The following LDB1 variants were observed in gnomAD, a reference collection of about 807,000 sequenced individuals.
LDB1 encodes the protein LIM domain-binding protein 1.
A neutral mutation model predicts 49.7 loss-of-function variants in LDB1; 6 were observed. The observed-to-expected ratio is 0.12, with a 90% CI of 0.07 to 0.24. The LOEUF is 0.24. Ranked by LOEUF, LDB1 falls within the 10% of genes least tolerant of loss-of-function variation. The probability of loss-of-function intolerance (pLI) is 1.00; values close to 1 mark genes in which losing one functional copy is unlikely to be tolerated. For missense variants in LDB1, 341 were observed against 561.7 expected (o/e 0.61, Z 3.97); for synonymous variants, 233 against 202.0 (o/e 1.15, Z -1.30).
chr10:102,110,201 C>T lies in LDB1; in HGVS notation c.526-158G>A, dbSNP rs1476686991. 2.0e-5 allele frequency among the ~76,000 whole-genome samples: 3 copies of T among 152,040 alleles called. No individual in the cohort carries two copies. The East Asian group carries it at 5.8e-4, about 29-fold the overall frequency. On this transcript the variant is annotated intron_variant, in intron 6 of 10. Coordinates refer to ENST00000673968, the MANE Select transcript of LDB1 (RefSeq NM_001113407.3). ...GCATAAATGTCACAGTACCCCCCAC[C>T]CATATACCTGGCCCTTACACACACA...
rs1286588896 is a variant in LDB1 at position 102,117,776 on chromosome 10, A to C, written c.25+2310T>G. Among the ~76,000 whole-genome samples, 2 of 152,056 alleles carry C rather than the reference A, an allele frequency of 1.3e-5. No individual in the cohort carries two copies. The highest frequency in any genetic ancestry group is 2.4e-5 in the African/African-American group (1 of 41,380). On this transcript the variant is annotated intron_variant, in intron 1 of 10. Coordinates refer to ENST00000673968, the MANE Select transcript of LDB1 (RefSeq NM_001113407.3). This position sits in a 1 kb window ranked among gnomAD's most constrained non-coding sequence, Gnocchi z 4.2. ...CCTCTTGCTCAGGGTGATGCCCCTT[A>C]GTCAGAGGCTCTCCCTGCTCCCAGC...
intron 1 of LDB1, among the ~76,000 whole-genome samples, chr10:102,114,048 G>C (rs567902924): frequency 8.5e-5 from 13 of 152,204 alleles, no homozygotes; most frequent in Non-Finnish European, 1.9e-4. Flanking sequence ...CAGCAAGGTG[G>C]GGGGACGGAG....
chr10:102,108,098 G>A lies in LDB1; in HGVS notation c.1231C>T (p.Gln411Ter). 6.2e-7 allele frequency: 1 copy of A among 1,613,016 alleles called. No homozygotes were observed. Among genetic ancestry groups the A allele is most frequent in the Non-Finnish European group, 8.5e-7 (1 of 1,179,082 alleles). Residue 411 changes from glutamine (Q) to a stop codon, truncating the protein, a stop_gained, in exon 11 of 11, where the codon CAG becomes TAG. Transcript: ENST00000673968. LOFTEE classifies it high-confidence loss of function. ...KSENPTSQASQ is the reference protein window; with the variant it reads ...KSENPTSQAS ...GGTGGCCACAGCAGGGCCTTTTACT[G>A]GGAGGCCTGTGACGTGGGGTTCTCC...
Position 102,110,961 on chromosome 10 carries a change from T to C in LDB1, c.260A>G (p.Asn87Ser), listed in dbSNP as rs201588496. 6.8e-5 allele frequency: 110 copies of C among 1,613,998 alleles called. No homozygotes were observed. The highest frequency in any genetic ancestry group is 2.2e-5 in the East Asian group (1 of 44,890). Residue 87 changes from asparagine (N) to serine (S), a missense_variant, in exon 5 of 11, where the codon AAT (asparagine) becomes AGT (serine). Physicochemically the swap from Asn to Ser is conservative, Grantham distance 46. Around this residue, in one of 5 missense-constraint regions of LDB1, gnomAD observed 233 missense variants for 385.7 expected, o/e 0.60. Coordinates refer to ENST00000673968, the MANE Select transcript of LDB1 (RefSeq NM_001113407.3). Reference protein sequence around the residue: ...RLQNWTEECDNLWWDAFTTEF... With the variant: ...RLQNWTEECDSLWWDAFTTEF... ...AGTCGTGAATGCATCCCACCAGAGA[T>C]TGTCACACTCCTAGGGAGCATGGTA...
chr10:102,114,202 C>G (rs2068297965), intron 1 of LDB1, among the ~76,000 whole-genome samples: 1 of 152,116 alleles, frequency 6.6e-6, no homozygotes, highest in East Asian at 1.9e-4. Context: ...CTGAGGGGGG[C>G]ACCTCCAGCT....
At position 102,109,772 on chromosome 10, in the gene LDB1, G is replaced by A; in HGVS notation, c.649-89C>T. On this transcript the variant is annotated intron_variant, in intron 7 of 10. Transcript: ENST00000673968. This position sits in a 1 kb window ranked among gnomAD's most constrained non-coding sequence, Gnocchi z 5.8. Reference sequence around the variant, plus strand: ...ATCATCTGAGCATTGTGACACTCCTGAGAGAGGATAGTCTCTTATTAAACC... The same window carrying A: ...ATCATCTGAGCATTGTGACACTCCTAAGAGAGGATAGTCTCTTATTAAACC... 6.5e-7 allele frequency: 1 copy of A among 1,538,516 alleles called. No homozygotes were observed. The highest frequency in any genetic ancestry group is 9.0e-7 in the Non-Finnish European group (1 of 1,113,480).
intron 1 of LDB1, among the ~76,000 whole-genome samples, chr10:102,119,151 T>A (rs1414633064): frequency 6.6e-6 from 1 of 152,130 alleles, no homozygotes; most frequent in East Asian, 1.9e-4. Context: ...AGGAGAAAGC[T>A]GACTCCAGTC....
At chr10:102,112,130 G>A (rs2068265259) in intron 1 of LDB1, among the ~76,000 whole-genome samples, 1 of 152,200 alleles carries the variant, frequency 6.6e-6, no homozygotes, top group Non-Finnish European at 1.5e-5. Flanking sequence ...AGGAATTGAA[G>A]CTGGGAAGAA....
intron 1 of LDB1, chr10:102,114,812 G>GGGGCCCCCC: frequency 5.5e-5 from 51 of 929,778 alleles, no homozygotes; most frequent in South Asian, 9.9e-5. Context: ...CCTCCGAGCA[G>GGGGCCCCCC]CCCGCCCGCC....
Position 102,107,738 on chromosome 10 carries a change from C to A in LDB1, c.*355G>T. The A allele has an allele frequency of 3.0e-6, 1 of 330,666 alleles. No individual in the cohort carries two copies. The highest frequency in any genetic ancestry group is 5.7e-6 in the Non-Finnish European group (1 of 176,110). The allele number at this position is 330,666 out of a possible 1,614,324, so 20.5% of individuals were successfully genotyped here. A position where few individuals can be genotyped will look rare whatever the true frequency, so the allele number is the denominator to read the frequency against. On this transcript the variant is annotated 3_prime_UTR_variant, in exon 11 of 11. Transcript: ENST00000673968. ...CCCTAAGGGCTGTGGGTATAGACAA[C>A]CCCAGGCTTGAAAGGGGTAAAGTCA...
chr10:102,110,070 C>G, intron 6 of LDB1, 27 bp from the exon 7 acceptor site: 1 of 1,603,848 alleles, frequency 6.2e-7, no homozygotes, highest in Non-Finnish European at 8.5e-7. Context: ...CAGAACCCTG[C>G]CCCCTCCCCA....
At chr10:102,116,158 AC>A (rs1469400165) in intron 1 of LDB1, among the ~76,000 whole-genome samples, 1 of 152,126 alleles carries the variant, frequency 6.6e-6, no homozygotes, top group Non-Finnish European at 1.5e-5. Context: ...CACATAAATC[AC>A]TACCTGATAC....
intron 1 of LDB1, among the ~76,000 whole-genome samples, chr10:102,115,580 C>G (rs1185350864): frequency 6.6e-6 from 1 of 152,088 alleles, no homozygotes; most frequent in Non-Finnish European, 1.5e-5. Flanking sequence ...ACTTAGATCC[C>G]CCTTAACAGG....
In LDB1 at chr10:102,111,138, G is replaced by T; in HGVS notation, c.180C>A (p.His60Gln). ...AGTCAGTTTGGTTGCCATATGGTGT[G>T]TGCCTCCTGGAGGAAGTGAAGGAGA... ...PTYLEPGIGRHTPYGNQTDYR... is the reference protein window; with the variant it reads ...PTYLEPGIGRQTPYGNQTDYR... The change falls in exon 4 of 11, where the codon CAC becomes CAA. Residue 60 changes from histidine (H) to glutamine (Q), a missense_variant. Around this residue, in one of 5 missense-constraint regions of LDB1, gnomAD observed 233 missense variants for 385.7 expected, o/e 0.60. Transcript: ENST00000673968. The T allele has an allele frequency of 6.2e-7, 1 of 1,614,098 alleles. No individual in the cohort carries two copies. Among genetic ancestry groups the T allele is most frequent in the Non-Finnish European group, 8.5e-7 (1 of 1,179,950 alleles).
intron 1 of LDB1, chr10:102,114,812 G>GGGCGCCCCCCCCC: frequency 2.2e-6 from 2 of 929,816 alleles, no homozygotes; most frequent in Non-Finnish European, 2.6e-6. Context: ...CCTCCGAGCA[G>GGGCGCCCCCCCCC]CCCGCCCGCC....
chr10:102,106,792 C>G lies in LDB1; in HGVS notation c.*1301G>C, dbSNP rs1383219631. On this transcript the variant is annotated 3_prime_UTR_variant, in exon 11 of 11. Coordinates refer to ENST00000673968, the MANE Select transcript of LDB1 (RefSeq NM_001113407.3). ...CAGCAAAGCCACAGAGCTGGACCAGCTGCGTGAAACCCTGCTCCTGGCTGC... is the reference window on the plus strand; with the variant it reads ...CAGCAAAGCCACAGAGCTGGACCAGGTGCGTGAAACCCTGCTCCTGGCTGC... Among the ~76,000 whole-genome samples the G allele has an allele frequency of 2.6e-5, 4 of 152,058 alleles. No homozygotes were observed. The highest frequency in any genetic ancestry group is 4.4e-5 in the Non-Finnish European group (3 of 68,020).
chr10:102,110,123 C>T, intron 6 of LDB1, 80 bp from the exon 7 acceptor site: 1 of 1,474,722 alleles, frequency 6.8e-7, no homozygotes, highest in Non-Finnish European at 9.2e-7. Context: ...CTCCCATTTG[C>T]TTACAACTCT....
chr10:102,114,731 G>A (rs1423048210), intron 1 of LDB1: 1 of 805,704 alleles, frequency 1.2e-6, no homozygotes, highest in Non-Finnish European at 1.5e-6. Context: ...CTCAACAATG[G>A]CTGCTCCGCT....
chr10:102,111,089 G>A lies in LDB1; in HGVS notation c.229C>T (p.Arg77Trp), dbSNP rs762616778. Residue 77 changes from arginine to tryptophan, a missense_variant, in exon 4 of 11, where the codon CGG (arginine) becomes TGG (tryptophan). Physicochemically the swap from Arg to Trp is moderately radical, Grantham distance 101. Coordinates refer to ENST00000673968, the MANE Select transcript of LDB1 (RefSeq NM_001113407.3). ...TDYRIFELNK[R>W]LQNWTEECDN... ...CATACCTCTGTCCAGTTCTGAAGCCGTTTGTTAAGCTCAAATATTCTGTAG... is the reference window on the plus strand; with the variant it reads ...CATACCTCTGTCCAGTTCTGAAGCCATTTGTTAAGCTCAAATATTCTGTAG... The A allele has an allele frequency of 1.2e-6, 2 of 1,614,012 alleles. No homozygotes were observed. Among genetic ancestry groups the A allele is most frequent in the Non-Finnish European group, 1.7e-6 (2 of 1,180,022 alleles).
Sources: gnomAD v4.1 joint callset for allele counts (sites outside exome capture counted in the v4.1 genomes callset) on GRCh38, gnomAD v4.1.1 for gene constraint, gnomAD v4.1.1 regional missense constraint, Gnocchi (gnomAD v3.1) non-coding constraint, MANE v1.5 for transcripts, NCBI Gene and HGNC (gene_info 2026-07-23, HGNC 2026-07-21) for gene names.